Variants in PTPRN2 observed in about 807,000 individuals in gnomAD.
PTPRN2 encodes the protein protein tyrosine phosphatase receptor type N2, also known as receptor-type tyrosine-protein phosphatase N2.
Under a neutral mutation model 118.8 loss-of-function variants are expected in PTPRN2, and 74 were observed. The observed-to-expected ratio is 0.62, with a 90% confidence interval of 0.52 to 0.76. The LOEUF is 0.76. Among genes scored for constraint, PTPRN2 ranks in the 30% least tolerant of loss-of-function variants. The pLI, the probability that PTPRN2 is intolerant of heterozygous loss-of-function variation, is 0.00. For missense variants in PTPRN2, 1,481 were observed against 1,394.4 expected, an observed-to-expected ratio of 1.06 and a Z score of -0.99; for synonymous variants, 641 against 608.0, an observed-to-expected ratio of 1.05 and a Z score of -0.80.
chr7:157,595,590 TGGTGTTTAGGAAGCCC>T (rs1345826009), intron 16 of PTPRN2, among the ~76,000 whole-genome samples: 31 of 91,086 alleles, frequency 3.4e-4, no homozygotes, highest in African/African-American at 1.9e-3. Context: ...TTAGGAAGCC[TGGTGTTTAGGAAGCCC>T]GGAGGTTAGG....
chr7:157,768,498 C>T (rs114627846), intron 12 of PTPRN2, among the ~76,000 whole-genome samples: 6,804 of 152,268 alleles, frequency 0.045, 182 homozygotes, highest in African/African-American at 0.059. Context: ...TGAGAGCACG[C>T]GGCCGCAACA....
chr7:158,329,958 C>A (rs929815492), intron 2 of PTPRN2, among the ~76,000 whole-genome samples: 1 of 152,112 alleles, frequency 6.6e-6, no homozygotes, highest in Non-Finnish European at 1.5e-5. Context: ...ATCCTCAGGT[C>A]TTGTATGGCG....
chr7:158,498,744 C>A (rs1006028404), intron 1 of PTPRN2, among the ~76,000 whole-genome samples: 1 of 152,196 alleles, frequency 6.6e-6, no homozygotes, highest in Non-Finnish European at 1.5e-5. Flanking sequence ...TTAAATACTG[C>A]AGGTGCAGGT....
chr7:158,325,686 G>T (rs2151128175), intron 2 of PTPRN2, among the ~76,000 whole-genome samples: 1 of 152,306 alleles, frequency 6.6e-6, no homozygotes, highest in East Asian at 1.9e-4. Context: ...GTGGGAGGCT[G>T]TATTCCGACA....
intron 2 of PTPRN2, among the ~76,000 whole-genome samples, chr7:158,461,037 G>A (rs1354702217): frequency 6.6e-6 from 1 of 152,198 alleles, no homozygotes; most frequent in African/African-American, 2.4e-5. Flanking sequence ...AAGACACACT[G>A]CAGAGAAATA....
chr7:158,532,069 TGAA>T (rs1774287155), intron 1 of PTPRN2, among the ~76,000 whole-genome samples: 1 of 152,210 alleles, frequency 6.6e-6, no homozygotes, highest in Non-Finnish European at 1.5e-5. Context: ...CAGTGAAAAC[TGAA>T]TAAACAACAA....
Position 157,550,859 on chromosome 7 carries a change from C to T in PTPRN2, c.2903-1840G>A, listed in dbSNP as rs1798565972. Among the ~76,000 whole-genome samples the T allele has an allele frequency of 6.6e-6, 1 of 152,166 alleles. No homozygotes were observed. Among genetic ancestry groups the T allele is most frequent in the Admixed American group, 6.5e-5 (1 of 15,286 alleles). On this transcript the variant is annotated intron_variant, in intron 21 of 22. Transcript: ENST00000389418. The surrounding 1 kb of genome is among the most constrained non-coding windows in gnomAD (Gnocchi z 5.2). Reference sequence around the variant, plus strand: ...TGCTTAATTGCTCCTTTTGGGTCTCCAAAGGCCTAAAAAGTCGACAAGGCT... The same window carrying T: ...TGCTTAATTGCTCCTTTTGGGTCTCTAAAGGCCTAAAAAGTCGACAAGGCT...
At chr7:158,176,486 A>ACATCT (rs1227474551) in intron 5 of PTPRN2, among the ~76,000 whole-genome samples, 1,956 of 152,314 alleles carry the variant, frequency 0.013, 32 homozygotes, top group African/African-American at 0.045. Flanking sequence ...CTGTCGAGTG[A>ACATCT]CAGACACCAA....
In PTPRN2 at chr7:158,133,832, G is replaced by A. The variant is rs772404937; in HGVS notation, c.1401C>T (p.Ala467=). The A allele has an allele frequency of 1.2e-5, 19 of 1,613,962 alleles. No individual in the cohort carries two copies. Among genetic ancestry groups the A allele is most frequent in the South Asian group, 4.4e-5 (4 of 91,084 alleles). The change falls in exon 9 of 23, where the codon GCC becomes GCT. Residue 467 remains alanine (A), a synonymous_variant. Coordinates refer to ENST00000389418, the MANE Select transcript of PTPRN2 (RefSeq NM_002847.5). ...LGQQPHSEPG[A]AAFGELQNQM... is the part of the protein sequence containing the mutation. ...GGTTTTGGAGCTCCCCAAACGCAGC[G>A]GCCCCGGGCTCCGAATGCGGCTGCT...
intron 11 of PTPRN2, among the ~76,000 whole-genome samples, chr7:157,979,890 G>A (rs1476566182): frequency 6.6e-6 from 1 of 152,186 alleles, no homozygotes; most frequent in African/African-American, 2.4e-5. Context: ...GAGTCCCAGA[G>A]CCAGAGCCCC....
chr7:157,688,680 T>TA (rs1461986818), intron 12 of PTPRN2, among the ~76,000 whole-genome samples: 1 of 152,118 alleles, frequency 6.6e-6, no homozygotes, highest in Non-Finnish European at 1.5e-5. Context: ...CTGGGGGGGT[T>TA]ACCGCTTCGC....
At chr7:157,792,234 C>A (rs140842582) in intron 12 of PTPRN2, among the ~76,000 whole-genome samples, 5 of 152,262 alleles carry the variant, frequency 3.3e-5, no homozygotes, top group African/African-American at 1.2e-4. Context: ...ACCTGCAGCC[C>A]GCACTGAGCC....
rs1461270008 is a variant in PTPRN2 at position 157,550,067 on chromosome 7, CG to C, written c.2903-1049del. Reference sequence around the variant, plus strand: ...CGCTGGCCGAAGACCTGAGGAGGCCCGGGTGGCCCAGAGTCAGGTGGTCCCC... The same window carrying C: ...CGCTGGCCGAAGACCTGAGGAGGCCCGGTGGCCCAGAGTCAGGTGGTCCCC... On this transcript the variant is annotated intron_variant, in intron 21 of 22. Transcript: ENST00000389418. This position sits in a 1 kb window ranked among gnomAD's most constrained non-coding sequence, Gnocchi z 5.2. Among the ~76,000 whole-genome samples, 1 of 152,226 alleles carries C rather than the reference CG, an allele frequency of 6.6e-6. No individual in the cohort carries two copies. The highest frequency in any genetic ancestry group is 2.4e-5 in the African/African-American group (1 of 41,444).
At position 157,986,571 on chromosome 7, in the gene PTPRN2, C is replaced by T. The variant is rs1018025689; in HGVS notation, c.1724-87834G>A. On this transcript the variant is annotated intron_variant, in intron 11 of 22. Transcript: ENST00000389418. The surrounding 1 kb of genome is among the most constrained non-coding windows in gnomAD (Gnocchi z 4.5). The stretch of plus-strand genomic sequence containing the variant: ...CCTTTCCCTCCTGCCTGCCTTTCTG[C>T]GACATCTGCACTATTCAGACATCAC... Among the ~76,000 whole-genome samples, 5 of 152,156 alleles carry T rather than the reference C, an allele frequency of 3.3e-5. No individual in the cohort carries two copies. The highest frequency in any genetic ancestry group is 4.8e-5 in the African/African-American group (2 of 41,444).
rs531031166 is a variant in PTPRN2 at position 158,378,435 on chromosome 7, A to G, written c.164-61503T>C. The stretch of plus-strand genomic sequence containing the variant: ...AACACAGCAATGGTTCTGAAGGGGG[A>G]ACCGCAGGTCCCAGTGACTCATGGT... On this transcript the variant is annotated intron_variant, in intron 2 of 22. Transcript: ENST00000389418. Among the ~76,000 whole-genome samples the G allele has an allele frequency of 1.4e-4, 22 of 152,234 alleles. No individual in the cohort carries two copies. In the South Asian group the frequency reaches 4.4e-3, roughly 30 times the overall value.
intron 2 of PTPRN2, among the ~76,000 whole-genome samples, chr7:158,345,909 G>C (rs1288958874): frequency 2.0e-5 from 3 of 152,022 alleles, no homozygotes. Flanking sequence ...TAAACCATCA[G>C]CTCTCATGAG....
chr7:158,376,560 A>G (rs1389923151), intron 2 of PTPRN2, among the ~76,000 whole-genome samples: 37 of 42,718 alleles, frequency 8.7e-4, no homozygotes, highest in South Asian at 2.8e-3. Context: ...CCTGTCACAC[A>G]TCCTGCACGC....
At chr7:157,842,387 G>T (rs956769170) in intron 12 of PTPRN2, among the ~76,000 whole-genome samples, 1 of 149,304 alleles carries the variant, frequency 6.7e-6, no homozygotes, top group Non-Finnish European at 1.5e-5. Context: ...CTCAAATGCC[G>T]CTTTGTGTGC....
Position 158,162,852 on chromosome 7 carries a change from G to A in PTPRN2, c.910+4079C>T, listed in dbSNP as rs188058228. On this transcript the variant is annotated intron_variant, in intron 6 of 22. Coordinates refer to ENST00000389418, the MANE Select transcript of PTPRN2 (RefSeq NM_002847.5). ...TGACTGCTTCTTTGGGAGCAGGTACGCGTGGGTCTTCTCTCCCACTCTCTG... is the reference window on the plus strand; with the variant it reads ...TGACTGCTTCTTTGGGAGCAGGTACACGTGGGTCTTCTCTCCCACTCTCTG... 6.2e-4 allele frequency among the ~76,000 whole-genome samples: 94 copies of A among 152,322 alleles called. 1 individual carries two copies. Among genetic ancestry groups the A allele is most frequent in the Middle Eastern group, 3.4e-3 (1 of 294 alleles).
Sources: gnomAD v4.1 joint callset for allele counts (sites outside exome capture counted in the v4.1 genomes callset) on GRCh38, gnomAD v4.1.1 for gene constraint, Gnocchi (gnomAD v3.1) non-coding constraint, MANE v1.5 for transcripts, NCBI Gene and HGNC (gene_info 2026-07-23, HGNC 2026-07-21) for gene names.